Variants in PBX4 observed in about 807,000 individuals in gnomAD.
The protein encoded by PBX4 is PBX homeobox 4.
Under a neutral mutation model 35.1 loss-of-function variants are expected in PBX4, and 26 were observed. The observed-to-expected ratio is 0.74, with a 90% CI of 0.54 to 1.03. The LOEUF is 1.03. Among genes scored for constraint, PBX4 ranks in the 50% least tolerant of loss-of-function variants. The pLI is 0.00. For missense variants in PBX4, 448 were observed against 504.3 expected, an observed-to-expected ratio of 0.89 and a Z score of 1.07; for synonymous variants, 199 against 204.2, an observed-to-expected ratio of 0.97 and a Z score of 0.22.
intron 1 of PBX4, among the ~76,000 whole-genome samples, chr19:19,610,588 T>G (rs544038709): frequency 6.1e-4 from 92 of 151,940 alleles, no homozygotes; most frequent in African/African-American, 2.1e-3. Flanking sequence ...TCGTTTCAAC[T>G]AAAAATATGA....
intron 2 of PBX4, among the ~76,000 whole-genome samples, chr19:19,593,504 C>T (rs1422357920): frequency 2.6e-5 from 4 of 152,118 alleles, no homozygotes; most frequent in Non-Finnish European, 2.9e-5. Flanking sequence ...GGTTTGTCTC[C>T]GAGACTAGAA....
intron 1 of PBX4, among the ~76,000 whole-genome samples, chr19:19,612,834 ATTTC>A (rs1225787146): frequency 6.9e-6 from 1 of 145,116 alleles, no homozygotes; most frequent in Non-Finnish European, 1.6e-5. Flanking sequence ...ACACCATTTA[ATTTC>A]TTTTTTTTTT....
intron 6 of PBX4, chr19:19,564,655 C>A: frequency 2.7e-6 from 1 of 376,370 alleles, no homozygotes; most frequent in South Asian, 3.8e-5. Context: ...CTCATCTTGG[C>A]CTCCCAAAAT....
At position 19,565,047 on chromosome 19, in the gene PBX4, T is replaced by C; in HGVS notation, c.811A>G (p.Asn271Asp). The C allele has an allele frequency of 3.7e-6, 6 of 1,614,226 alleles. No individual in the cohort carries two copies. Among genetic ancestry groups the C allele is most frequent in the Non-Finnish European group, 4.2e-6 (5 of 1,180,048 alleles). Residue 271 changes from asparagine (N) to aspartate (D), a missense_variant, in exon 6 of 8, where the codon AAC becomes GAC. Physicochemically the swap from Asn to Asp is conservative, Grantham distance 23. Coordinates refer to ENST00000251203, the MANE Select transcript of PBX4 (RefSeq NM_025245.3). ...FGNKRIRYKK[N>D]MGKFQEEATI... ...GCCTCTTCTTGAAACTTCCCCATGT[T>C]CTTTTTATACCGGATTCTTTTGTTG...
chr19:19,594,630 A>G (rs1295025501), intron 2 of PBX4, among the ~76,000 whole-genome samples: 1 of 152,014 alleles, frequency 6.6e-6, no homozygotes, highest in South Asian at 2.1e-4. Context: ...CAGGCTGAAC[A>G]CCCACACTCT....
chr19:19,587,211 G>C (rs561527012), intron 2 of PBX4, among the ~76,000 whole-genome samples: 13 of 151,920 alleles, frequency 8.6e-5, no homozygotes, highest in African/African-American at 2.9e-4. Flanking sequence ...TTGACTACCA[G>C]AAAATAAACA....
At chr19:19,585,550 G>A (rs1211796162) in intron 2 of PBX4, among the ~76,000 whole-genome samples, 8 of 152,022 alleles carry the variant, frequency 5.3e-5, no homozygotes, top group African/African-American at 1.9e-4. Context: ...AAGTGTGTCA[G>A]GCCTCTGAGC....
chr19:19,567,873 A>G (rs1252472482), intron 5 of PBX4, among the ~76,000 whole-genome samples: 1 of 151,346 alleles, frequency 6.6e-6, no homozygotes, highest in African/African-American at 2.4e-5. Flanking sequence ...CAGGGAGCTC[A>G]CACTCCATCT....
intron 2 of PBX4, among the ~76,000 whole-genome samples, chr19:19,582,384 A>C (rs573931579): frequency 1.3e-5 from 2 of 152,162 alleles, no homozygotes; most frequent in Non-Finnish European, 2.9e-5. Flanking sequence ...GCAGACACAC[A>C]CAAGCAGCTG....
Position 19,562,211 on chromosome 19 carries a change from G to T in PBX4, c.1033-94C>A. On this transcript the variant is annotated intron_variant, in intron 7 of 7. Transcript: ENST00000251203. The surrounding 1 kb of genome is among the most constrained non-coding windows in gnomAD (Gnocchi z 4.8). ...GCAGGCGGAGCCTCCAGGGGTCCCT[G>T]GGAAGGCTTGGAAAAGATCCACAGA... 1 of 896,224 alleles carries T rather than the reference G, an allele frequency of 1.1e-6. No individual in the cohort carries two copies. Among genetic ancestry groups the T allele is most frequent in the Non-Finnish European group, 1.7e-6 (1 of 597,342 alleles). 55.5% of individuals were successfully genotyped at this position (896,224 alleles called of 1,614,324 possible).
chr19:19,578,015 TAA>T lies in PBX4; in HGVS notation c.194-7184_194-7183del, dbSNP rs34023797. Among the ~76,000 whole-genome samples the T allele has an allele frequency of 7.2e-3, 529 of 73,394 alleles. 5 individuals carry two copies. Among genetic ancestry groups the T allele is most frequent in the African/African-American group, 0.026 (434 of 16,710 alleles). 48.1% of individuals were successfully genotyped at this position (73,394 alleles called of 152,430 possible). A position where few individuals can be genotyped will look rare whatever the true frequency, so the allele number is the denominator to read the frequency against. On this transcript the variant is annotated intron_variant, in intron 2 of 7. Transcript: ENST00000251203. Reference sequence around the variant, plus strand: ...CAACATGGTGAAAACCCATCTCTACTAAAAAAAAAAAAAAAAAAAAAAAAATT... The same window carrying T: ...CAACATGGTGAAAACCCATCTCTACTAAAAAAAAAAAAAAAAAAAAAAATT...
intron 1 of PBX4, among the ~76,000 whole-genome samples, chr19:19,604,606 A>T (rs8112971): frequency 1 from 151,943 of 151,974 alleles, 75,956 homozygotes; most frequent in Middle Eastern, 1. Flanking sequence ...CTTTATTTTT[A>T]ATTTTTATTT....
chr19:19,564,797 T>A (rs1385619412), intron 6 of PBX4, 136 bp downstream of exon 6: 1 of 1,123,164 alleles, frequency 8.9e-7, no homozygotes, highest in Admixed American at 2.2e-5. Flanking sequence ...ACTCTCACAG[T>A]TGAAACAGAA....
chr19:19,584,040 G>A (rs1175932731), intron 2 of PBX4, among the ~76,000 whole-genome samples: 1 of 152,124 alleles, frequency 6.6e-6, no homozygotes, highest in African/African-American at 2.4e-5. Context: ...TTGCACTACA[G>A]CCTGGGCAAC....
Position 19,561,992 on chromosome 19 carries a change from C to T in PBX4, c.*33G>A. 1.3e-6 allele frequency: 2 copies of T among 1,566,410 alleles called. No homozygotes were observed. The highest frequency in any genetic ancestry group is 8.7e-7 in the Non-Finnish European group (1 of 1,144,216). On this transcript the variant is annotated 3_prime_UTR_variant, in exon 8 of 8. Transcript: ENST00000251203. ...CAACGGCTGGCGATACATGGCAGCTCACGCAGCGCTCTTTCCTGCTTATCC... is the reference window on the plus strand; with the variant it reads ...CAACGGCTGGCGATACATGGCAGCTTACGCAGCGCTCTTTCCTGCTTATCC...
At chr19:19,597,877 C>G (rs1199416844) in intron 2 of PBX4, among the ~76,000 whole-genome samples, 1 of 152,152 alleles carries the variant, frequency 6.6e-6, no homozygotes, top group Non-Finnish European at 1.5e-5. Flanking sequence ...TTCCCTGACA[C>G]AATGTGCTGA....
intron 1 of PBX4, among the ~76,000 whole-genome samples, chr19:19,611,678 C>CAAAA (rs1344348105): frequency 1.1e-4 from 6 of 53,592 alleles, no homozygotes; most frequent in Admixed American, 3.7e-4. Context: ...GATTCTGTCT[C>CAAAA]AAAAAAAAAA....
intron 1 of PBX4, among the ~76,000 whole-genome samples, chr19:19,605,440 T>C (rs1430876646): frequency 1.4e-5 from 2 of 140,370 alleles, no homozygotes; most frequent in Non-Finnish European, 3.1e-5. Flanking sequence ...ATAATAATAA[T>C]AATAATAACA....
intron 5 of PBX4, among the ~76,000 whole-genome samples, chr19:19,566,072 T>A (rs2061339994): frequency 6.6e-6 from 1 of 152,048 alleles, no homozygotes; most frequent in African/African-American, 2.4e-5. Context: ...TGCCTCATCC[T>A]CATGAGGACC....
Sources: allele counts gnomAD v4.1 joint callset (sites outside exome capture counted in the v4.1 genomes callset), GRCh38; gene constraint gnomAD v4.1.1; non-coding constraint Gnocchi (gnomAD v3.1); transcripts MANE v1.5; gene names NCBI Gene and HGNC (gene_info 2026-07-23, HGNC 2026-07-21).